The following GSDMA variants were observed in gnomAD, a reference collection of about 807,000 sequenced individuals.
The protein encoded by GSDMA is gasdermin-A.
GSDMA carries 55 observed loss-of-function variants against 54.3 expected under a neutral mutation model. That is an observed-to-expected ratio of 1.01 (90% CI 0.82 to 1.27). The LOEUF is 1.27. Ranked by LOEUF, GSDMA falls within the 50% of genes most tolerant of loss-of-function variation. The probability of loss-of-function intolerance (pLI) is 0.00; values close to 1 mark genes in which losing one functional copy is unlikely to be tolerated. For missense variants in GSDMA, 542 were observed against 542.6 expected, an observed-to-expected ratio of 1.00 and a Z score of 0.01; for synonymous variants, 211 against 224.7, an observed-to-expected ratio of 0.94 and a Z score of 0.54.
rs940985838 is a variant in GSDMA at position 39,974,552 on chromosome 17, C to A, written c.906+125C>A. 4.7e-6 allele frequency: 5 copies of A among 1,061,036 alleles called. No homozygotes were observed. The Admixed American group carries it at 1.1e-4, about 23-fold the overall frequency. The allele number at this position is 1,061,036 out of a possible 1,614,324, so 65.7% of individuals were successfully genotyped here. ...GCAGGAGGTGGGTGGCCAGGGGAGT[C>A]CACCTTAGATACCTTCCCCAAGGCT... On this transcript the variant is annotated intron_variant, in intron 9 of 11. Coordinates refer to ENST00000301659, the MANE Select transcript of GSDMA (RefSeq NM_178171.5).
intron 9 of GSDMA, 106 bp from the exon 10 acceptor site, chr17:39,974,794 C>T (rs747803197): frequency 3.6e-5 from 25 of 703,076 alleles, no homozygotes; most frequent in Non-Finnish European, 6.2e-5. Context: ...AAAAAGAAAT[C>T]AGGAAATGGA....
At chr17:39,966,481 G>T in intron 3 of GSDMA, 44 bp downstream of exon 3, 3 of 1,511,618 alleles carry the variant, frequency 2.0e-6, no homozygotes, top group Admixed American at 4.2e-5. Flanking sequence ...TGTGGGTGGG[G>T]CAGTGCATGG....
chr17:39,971,613 T>C lies in GSDMA; in HGVS notation c.648T>C (p.Asp216=). The change falls in exon 5 of 12, where the codon GAT becomes GAC. Residue 216 remains aspartate (D), a synonymous_variant. Coordinates refer to ENST00000301659, the MANE Select transcript of GSDMA (RefSeq NM_178171.5). ...RVRQLMVKGK[D]EWDIPHICND... ...GACAGCTGATGGTCAAAGGCAAAGA[T>C]GAGTGGGGTGAGCAGAGACCCGCAT... 1.9e-6 allele frequency: 3 copies of C among 1,612,694 alleles called. No homozygotes were observed. The highest frequency in any genetic ancestry group is 2.5e-6 in the Non-Finnish European group (3 of 1,178,824).
intron 1 of GSDMA, among the ~76,000 whole-genome samples, chr17:39,965,275 AAG>A (rs1979590494): frequency 1.4e-5 from 2 of 139,850 alleles, no homozygotes; most frequent in Non-Finnish European, 3.1e-5. Flanking sequence ...AGAAAGAAGG[AAG>A]GAAGGAAGGA....
In GSDMA at chr17:39,966,309, A is replaced by C; in HGVS notation, c.264A>C (p.Arg88=). 6.2e-7 allele frequency: 1 copy of C among 1,613,806 alleles called. No individual in the cohort carries two copies. Among genetic ancestry groups the C allele is most frequent in the Non-Finnish European group, 8.5e-7 (1 of 1,179,834 alleles). Residue 88 remains arginine, a synonymous_variant, in exon 3 of 12, where the codon CGA becomes CGC. Coordinates refer to ENST00000301659, the MANE Select transcript of GSDMA (RefSeq NM_178171.5). ...NFGFKNMLDT[R]VEGDVDVPKT... The stretch of plus-strand genomic sequence containing the variant: ...GCTTTAAGAATATGCTGGACACCCG[A>C]GTGGAGGGAGATGTGGATGTACCAA...
Position 39,972,980 on chromosome 17 carries a change from A to AT in GSDMA, c.730+376dup, listed in dbSNP as rs989757913. Among the ~76,000 whole-genome samples, 26 of 151,622 alleles carry AT rather than the reference A, an allele frequency of 1.7e-4. No homozygotes were observed. In the Middle Eastern group the frequency reaches 0.01, roughly 60 times the overall value. ...ACAATGTCTCTATTTAAAAAAAAAA[A>AT]TTTTTTTTTGGATGGAGTTTCACTC... is the stretch of plus-strand genomic sequence containing the variant. On this transcript the variant is annotated intron_variant, in intron 7 of 11. Coordinates refer to ENST00000301659, the MANE Select transcript of GSDMA (RefSeq NM_178171.5).
In GSDMA at chr17:39,970,561, G is replaced by GAGAC; in HGVS notation, c.473_476dup (p.Val160AspfsTer59). 1 of 1,610,860 alleles carries GAGAC rather than the reference G, an allele frequency of 6.2e-7. No individual in the cohort carries two copies. The highest frequency in any genetic ancestry group is 1.1e-5 in the South Asian group (1 of 90,654). ...CCTGTATGTGGTGATGGAGGTGGTGGAGACGGTGCAGGAGGTCACACTGGA... is the reference window on the plus strand; with the variant it reads ...CCTGTATGTGGTGATGGAGGTGGTGGAGACAGACGGTGCAGGAGGTCACACTGGA... On this transcript the variant is annotated frameshift_variant, in exon 4 of 12. Coordinates refer to ENST00000301659, the MANE Select transcript of GSDMA (RefSeq NM_178171.5). LOFTEE classifies it high-confidence loss of function.
intron 1 of GSDMA, among the ~76,000 whole-genome samples, chr17:39,964,827 T>G (rs1171667471): frequency 2.0e-5 from 3 of 151,644 alleles, no homozygotes; most frequent in South Asian, 2.1e-4. Flanking sequence ...TTACTTCCAT[T>G]GCTAAATAAA....
intron 1 of GSDMA, among the ~76,000 whole-genome samples, chr17:39,965,252 G>GGGAA (rs1322016005): frequency 8.0e-6 from 1 of 124,690 alleles, no homozygotes; most frequent in Non-Finnish European, 1.7e-5. Flanking sequence ...AAGAAAGGGA[G>GGGAA]GGAGGGAGAG....
intron 3 of GSDMA, among the ~76,000 whole-genome samples, chr17:39,969,854 T>C (rs1979848471): frequency 1.3e-5 from 2 of 149,058 alleles, no homozygotes; most frequent in African/African-American, 2.5e-5. Context: ...TGAGACTCCG[T>C]CTCAAAAAAA....
chr17:39,976,100 CT>C, intron 11 of GSDMA, 103 bp downstream of exon 11: 1 of 758,442 alleles, frequency 1.3e-6, no homozygotes, highest in Non-Finnish European at 2.2e-6. Context: ...GGATCCCTGT[CT>C]TATCCCAGGG....
rs1316614177 is a variant in GSDMA at position 39,970,479 on chromosome 17, C to T, written c.393-3C>T. 1 of 1,570,174 alleles carries T rather than the reference C, an allele frequency of 6.4e-7. No homozygotes were observed. Among genetic ancestry groups the T allele is most frequent in the Non-Finnish European group, 8.6e-7 (1 of 1,158,086 alleles). On this transcript the variant is annotated splice_polypyrimidine_tract_variant and splice_region_variant and intron_variant, in intron 3 of 11. Transcript: ENST00000301659. ...CGGTTCCCTTATGTTTCTCCTGCAA[C>T]AGGAAGCTGGCAGCAGACCACCCAT...
At chr17:39,974,089 G>T (rs1193183814) in intron 8 of GSDMA, among the ~76,000 whole-genome samples, 184 bp from the exon 9 acceptor site, 2 of 152,148 alleles carry the variant, frequency 1.3e-5, no homozygotes, top group African/African-American at 4.8e-5. Flanking sequence ...CAACCCTCAG[G>T]TTAGGGTTGG....
intron 3 of GSDMA, among the ~76,000 whole-genome samples, chr17:39,969,962 A>G (rs1771663330): frequency 1.4e-5 from 1 of 69,114 alleles, no homozygotes; most frequent in African/African-American, 3.9e-5. Flanking sequence ...ATTTGTTAGG[A>G]TTAGGGAGTT....
Position 39,971,563 on chromosome 17 carries a change from G to A in GSDMA, c.598G>A (p.Gly200Ser), listed in dbSNP as rs1441626731. The change falls in exon 5 of 12, where the codon GGC becomes AGC. Residue 200 changes from glycine (G) to serine (S), a missense_variant. Coordinates refer to ENST00000301659, the MANE Select transcript of GSDMA (RefSeq NM_178171.5). ...NHKEAVTIPK[G>S]CVLAFRVRQL... Reference sequence around the variant, plus strand: ...CAAGGAGGCTGTAACCATCCCCAAGGGCTGCGTCCTGGCCTTTCGAGTGAG... The same window carrying A: ...CAAGGAGGCTGTAACCATCCCCAAGAGCTGCGTCCTGGCCTTTCGAGTGAG... The A allele has an allele frequency of 6.2e-7, 1 of 1,613,850 alleles. No individual in the cohort carries two copies. Among genetic ancestry groups the A allele is most frequent in the Non-Finnish European group, 8.5e-7 (1 of 1,179,836 alleles).
rs748464682 is a variant in GSDMA at position 39,975,946 on chromosome 17, G to A, written c.1044G>A (p.Lys348=). The A allele has an allele frequency of 2.1e-5, 33 of 1,600,566 alleles. 2 individuals are homozygous for A. The Admixed American group carries it at 5.3e-4, about 26-fold the overall frequency. Residue 348 remains lysine (K), a synonymous_variant, in exon 11 of 12, where the codon AAG becomes AAA. Coordinates refer to ENST00000301659, the MANE Select transcript of GSDMA (RefSeq NM_178171.5). The part of the protein sequence containing the change: ...ALTELSEAQQ[K]LLVKSMEKKI... ...CAGAGCTAAGTGAAGCCCAACAGAAGCTGCTGGTGAAATCCATGGAGAAAA... is the reference window on the plus strand; with the variant it reads ...CAGAGCTAAGTGAAGCCCAACAGAAACTGCTGGTGAAATCCATGGAGAAAA...
chr17:39,965,932 G>T, intron 2 of GSDMA, 31 bp downstream of exon 2: 1 of 1,538,576 alleles, frequency 6.5e-7, no homozygotes, highest in South Asian at 1.2e-5. Context: ...GGAACTGAGG[G>T]ATACTGAGGG....
At chr17:39,968,263 C>G (rs1005529961) in intron 3 of GSDMA, among the ~76,000 whole-genome samples, 4 of 150,614 alleles carry the variant, frequency 2.7e-5, no homozygotes, top group African/African-American at 9.8e-5. Flanking sequence ...TGGTCTTGTA[C>G]TCCTGACCTG....
intron 8 of GSDMA, 109 bp downstream of exon 8, chr17:39,973,939 A>G: frequency 9.4e-7 from 1 of 1,068,662 alleles, no homozygotes; most frequent in Non-Finnish European, 1.4e-6. Context: ...TGGGAAGGGA[A>G]AACAGACTTT....
Sources: gnomAD v4.1 joint callset for allele counts (sites outside exome capture counted in the v4.1 genomes callset) on GRCh38, gnomAD v4.1.1 for gene constraint, MANE v1.5 for transcripts, NCBI Gene and HGNC (gene_info 2026-07-23, HGNC 2026-07-21) for gene names.